FREM3: variants seen among roughly 807,000 people sequenced by gnomAD.
FREM3 encodes the protein FRAS1 related extracellular matrix 3, also known as FRAS1-related extracellular matrix protein 3.
Under a neutral mutation model 129.1 loss-of-function variants are expected in FREM3, and 105 were observed. The ratio of observed to expected loss-of-function variants is 0.81; its 90% CI spans 0.69 to 0.96. The LOEUF is 0.96. Among genes scored for constraint, FREM3 ranks in the 40% least tolerant of loss-of-function variants. The pLI is 0.00. For synonymous variants in FREM3, 1,014 were observed against 1,044.9 expected (o/e 0.97, Z 0.57); for missense variants, 2,593 against 2,666.3 (o/e 0.97, Z 0.61).
At chr4:143,657,728 T>G (rs1739626805) in intron 2 of FREM3, among the ~76,000 whole-genome samples, 1 of 152,116 alleles carries the variant, frequency 6.6e-6, no homozygotes, top group African/African-American at 2.4e-5. Context: ...ATTTTAGAAT[T>G]AGCTAATTTT....
chr4:143,613,133 G>GT (rs1738790278), intron 5 of FREM3, among the ~76,000 whole-genome samples: 1 of 152,290 alleles, frequency 6.6e-6, no homozygotes, highest in Admixed American at 6.5e-5. Context: ...TTTCAGAATG[G>GT]TTTTTTTGAA....
At chr4:143,678,241 A>G (rs1301022610) in intron 2 of FREM3, among the ~76,000 whole-genome samples, 1 of 152,130 alleles carries the variant, frequency 6.6e-6, no homozygotes, top group African/African-American at 2.4e-5. Context: ...TCCTTTGTAG[A>G]GACATGGATA....
At chr4:143,595,836 T>G (rs188596836) in intron 6 of FREM3, among the ~76,000 whole-genome samples, 1 of 137,492 alleles carries the variant, frequency 7.3e-6, no homozygotes, top group Non-Finnish European at 1.5e-5. Flanking sequence ...TGCAGTGAGC[T>G]GAGATCACGC....
intron 7 of FREM3, among the ~76,000 whole-genome samples, chr4:143,581,733 A>G (rs1738147150): frequency 6.6e-6 from 1 of 151,988 alleles, no homozygotes; most frequent in African/African-American, 2.4e-5. Flanking sequence ...GCTCTTCACC[A>G]GACAGGGCTC....
intron 5 of FREM3, among the ~76,000 whole-genome samples, chr4:143,617,225 G>A (rs1738868801): frequency 6.6e-6 from 1 of 152,030 alleles, no homozygotes; most frequent in African/African-American, 2.4e-5. Flanking sequence ...TTTCAGTTGG[G>A]CTGATTTTAC....
intron 6 of FREM3, among the ~76,000 whole-genome samples, chr4:143,590,274 G>T (rs1738334072): frequency 6.6e-6 from 1 of 152,276 alleles, no homozygotes; most frequent in South Asian, 2.1e-4. Context: ...CCAACACTAT[G>T]TTGAATAGGA....
chr4:143,658,852 C>A (rs185234291), intron 2 of FREM3, among the ~76,000 whole-genome samples: 1 of 152,218 alleles, frequency 6.6e-6, no homozygotes, highest in East Asian at 1.9e-4. Flanking sequence ...AGCATGCTCA[C>A]TACTTCAACT....
At chr4:143,662,760 G>C (rs1739761501) in intron 2 of FREM3, among the ~76,000 whole-genome samples, 1 of 151,766 alleles carries the variant, frequency 6.6e-6, no homozygotes, top group African/African-American at 2.4e-5. Flanking sequence ...TATGAATCTG[G>C]GTGCTCCTGT....
intron 6 of FREM3, among the ~76,000 whole-genome samples, chr4:143,603,555 G>A (rs1483365716): frequency 2.0e-5 from 3 of 151,964 alleles, no homozygotes; most frequent in African/African-American, 7.3e-5. Context: ...AGAATGACAT[G>A]TTTCTGAGAT....
At chr4:143,656,624 A>C (rs972457890) in intron 2 of FREM3, among the ~76,000 whole-genome samples, 1 of 152,166 alleles carries the variant, frequency 6.6e-6, no homozygotes, top group African/African-American at 2.4e-5. Flanking sequence ...TAGGGAGAGA[A>C]AGTAGATTAG....
chr4:143,632,974 C>G (rs985060308), intron 2 of FREM3, among the ~76,000 whole-genome samples: 6 of 152,194 alleles, frequency 3.9e-5, no homozygotes, highest in Admixed American at 3.9e-4. Context: ...GCCTCTCTTA[C>G]AGCTAGGGCA....
chr4:143,597,956 C>T (rs1738511068), intron 6 of FREM3, among the ~76,000 whole-genome samples: 1 of 152,198 alleles, frequency 6.6e-6, no homozygotes, highest in Non-Finnish European at 1.5e-5. Flanking sequence ...AATGGTCCAC[C>T]TTCTAGTTCA....
chr4:143,617,495 G>T (rs1473846386), intron 5 of FREM3, among the ~76,000 whole-genome samples: 1 of 152,190 alleles, frequency 6.6e-6, no homozygotes, highest in African/African-American at 2.4e-5. Flanking sequence ...GATAATTTAA[G>T]ATATTTAAAA....
Position 143,695,561 on chromosome 4 carries a change from G to A in FREM3, c.5115C>T (p.Thr1705=). The A allele has an allele frequency of 6.5e-7, 1 of 1,537,300 alleles. No homozygotes were observed. The highest frequency in any genetic ancestry group is 8.7e-7 in the Non-Finnish European group (1 of 1,146,888). Reference sequence around the variant, plus strand: ...TAATGAAGCCATGCTCTGGTCCTCTGGTCACTTTATACTTCAGAAGCCTGT... The same window carrying A: ...TAATGAAGCCATGCTCTGGTCCTCTAGTCACTTTATACTTCAGAAGCCTGT... ...SPHRLLKYKV[T]RGPEHGFIIK... The change falls in exon 1 of 8, where the codon ACC becomes ACT. Residue 1705 remains threonine, a synonymous_variant. Coordinates refer to ENST00000329798, the MANE Select transcript of FREM3 (RefSeq NM_001168235.2).
In FREM3 at chr4:143,700,288, C is replaced by A; in HGVS notation, c.388G>T (p.Gly130Cys). The A allele has an allele frequency of 6.5e-7, 1 of 1,536,306 alleles. No individual in the cohort carries two copies. The highest frequency in any genetic ancestry group is 8.7e-7 in the Non-Finnish European group (1 of 1,146,708). ...GPRQVQYTHF[G>C]SHSPGRARVL... is the part of the protein sequence containing the mutation. ...CGGGCGCGTCCGGGGCTGTGGGAGC[C>A]GAAGTGAGTGTACTGGACTTGGCGG... The change falls in exon 1 of 8, where the codon GGC becomes TGC. Residue 130 changes from glycine to cysteine, a missense_variant. Around this residue, in one of 2 missense-constraint regions of FREM3, gnomAD observed 2,276 missense variants for 2,267.2 expected, o/e 1.00. Coordinates refer to ENST00000329798, the MANE Select transcript of FREM3 (RefSeq NM_001168235.2).
intron 2 of FREM3, chr4:143,644,990 G>A (rs1391185): frequency 0.5 from 75,788 of 151,958 alleles, 19,701 homozygotes; most frequent in East Asian, 0.71. Context: ...CTATGTATTA[G>A]TAATGGGTGA....
At chr4:143,623,844 G>A (rs1228066189) in intron 4 of FREM3, among the ~76,000 whole-genome samples, 1 of 152,142 alleles carries the variant, frequency 6.6e-6, no homozygotes, top group Non-Finnish European at 1.5e-5. Context: ...CCTATGGCGT[G>A]CAGAAAGCCT....
At chr4:143,626,410 A>G (rs1000243733) in intron 3 of FREM3, among the ~76,000 whole-genome samples, 28 of 152,160 alleles carry the variant, frequency 1.8e-4, no homozygotes, top group African/African-American at 6.8e-4. Context: ...GCTGGTTTGG[A>G]CAGGGTGGCC....
intron 6 of FREM3, among the ~76,000 whole-genome samples, chr4:143,601,310 G>A (rs1025006974): frequency 6.6e-6 from 1 of 152,072 alleles, no homozygotes; most frequent in African/African-American, 2.4e-5. Flanking sequence ...TCTTAAATCT[G>A]TCAACATTCT....
Sources: allele counts gnomAD v4.1 joint callset (sites outside exome capture counted in the v4.1 genomes callset), GRCh38; gene constraint gnomAD v4.1.1; regional missense constraint gnomAD v4.1.1; transcripts MANE v1.5; gene names NCBI Gene and HGNC (gene_info 2026-07-23, HGNC 2026-07-21).